Variants in FYB1 observed in about 807,000 individuals in gnomAD.
FYB1 encodes the protein FYN binding protein 1.
A neutral mutation model predicts 94.1 loss-of-function variants in FYB1; 41 were observed. That is an observed-to-expected ratio of 0.44 (90% confidence interval 0.34 to 0.57). The LOEUF (loss-of-function observed/expected upper bound fraction) is 0.57, where lower values mean the gene tolerates loss of function less well. Ranked by LOEUF, FYB1 falls within the 20% of genes least tolerant of loss-of-function variation. FYB1 has a pLI of 0.02. For missense variants in FYB1, 1,050 were observed against 976.8 expected (o/e 1.07, Z -1.00); for synonymous variants, 367 against 353.2 (o/e 1.04, Z -0.44).
At chr5:39,198,109 T>C (rs1169256625) in intron 2 of FYB1, among the ~76,000 whole-genome samples, 5 of 152,200 alleles carry the variant, frequency 3.3e-5, no homozygotes, top group Admixed American at 1.3e-4. Context: ...TACTATTATA[T>C]GTCAAATTCT....
At chr5:39,267,578 C>A (rs568834878) in intron 1 of FYB1, among the ~76,000 whole-genome samples, 13 of 152,294 alleles carry the variant, frequency 8.5e-5, no homozygotes, top group Non-Finnish European at 1.6e-4. Context: ...TGCTACATGG[C>A]TTTCTGCCAC....
intron 2 of FYB1, among the ~76,000 whole-genome samples, chr5:39,179,648 C>T (rs4957360): frequency 0.58 from 87,482 of 150,954 alleles, 29,392 homozygotes; most frequent in Non-Finnish European, 0.75. Context: ...TGAGTTCAAG[C>T]GATTCTCCTG....
intron 2 of FYB1, among the ~76,000 whole-genome samples, chr5:39,194,979 C>T (rs1421142914): frequency 1.3e-5 from 2 of 152,138 alleles, no homozygotes; most frequent in African/African-American, 4.8e-5. Flanking sequence ...GCACCAGGTC[C>T]TGGGAGAACG....
At chr5:39,120,556 A>C (rs1039620821) in intron 14 of FYB1, among the ~76,000 whole-genome samples, 1 of 152,104 alleles carries the variant, frequency 6.6e-6, no homozygotes, top group African/African-American at 2.4e-5. Flanking sequence ...AGTCTGAGCA[A>C]GGTCCAGGTA....
chr5:39,230,848 C>T (rs1172052290), intron 1 of FYB1, among the ~76,000 whole-genome samples: 2 of 33,018 alleles, frequency 6.1e-5, no homozygotes, highest in African/African-American at 8.6e-5. Context: ...TCAGTATACA[C>T]ACACACACAC....
chr5:39,131,734 T>C (rs1395691369), intron 9 of FYB1, among the ~76,000 whole-genome samples: 5 of 152,128 alleles, frequency 3.3e-5, no homozygotes, highest in African/African-American at 2.4e-5. Context: ...AAGCAGGCAG[T>C]TGGAATTATG....
intron 1 of FYB1, among the ~76,000 whole-genome samples, chr5:39,258,031 G>A (rs1752039647): frequency 1.3e-5 from 2 of 152,160 alleles, no homozygotes; most frequent in South Asian, 4.1e-4. Flanking sequence ...ACAGGTGGCT[G>A]GGCCCCACCT....
rs768421172 is a variant in FYB1, at chr5:39,134,285, A to G, written c.1740T>C (p.Ser580=). The change falls in exon 9 of 19, where the codon TCT becomes TCC. Residue 580 remains serine (S), a synonymous_variant. Transcript: ENST00000512982. The part of the protein sequence containing the change: ...DYDSLKLKKD[S]LGAPSRPIED... The stretch of plus-strand genomic sequence containing the variant: ...CAATAGGTCTTGAAGGGGCACCAAG[A>G]GAGTCTTTTTTCAGTTTCAAAGAAT... 6.2e-7 allele frequency: 1 copy of G among 1,611,600 alleles called. No homozygotes were observed. The highest frequency in any genetic ancestry group is 8.5e-7 in the Non-Finnish European group (1 of 1,177,886).
At chr5:39,159,678 C>T (rs1283079802) in intron 2 of FYB1, among the ~76,000 whole-genome samples, 1 of 152,174 alleles carries the variant, frequency 6.6e-6, no homozygotes, top group Middle Eastern at 3.2e-3. Flanking sequence ...TGATATCTTG[C>T]TCTCCCGTTT....
intron 1 of FYB1, among the ~76,000 whole-genome samples, chr5:39,203,593 T>C (rs1408082970): frequency 6.6e-6 from 1 of 152,162 alleles, no homozygotes; most frequent in Non-Finnish European, 1.5e-5. Flanking sequence ...ATAAAATGAC[T>C]TCTTCTCCTT....
At chr5:39,245,900 T>G (rs1275234630) in intron 1 of FYB1, among the ~76,000 whole-genome samples, 1 of 152,218 alleles carries the variant, frequency 6.6e-6, no homozygotes, top group Non-Finnish European at 1.5e-5. Context: ...GCGTCTGGCC[T>G]GGAACAGGCT....
intron 1 of FYB1, among the ~76,000 whole-genome samples, chr5:39,214,680 C>A (rs1049874105): frequency 2.0e-5 from 3 of 152,224 alleles, no homozygotes; most frequent in Non-Finnish European, 4.4e-5. Flanking sequence ...GTAATCCCAG[C>A]ATTTTGGGAT....
chr5:39,113,378 T>C (rs557982532), intron 16 of FYB1, among the ~76,000 whole-genome samples: 49 of 152,240 alleles, frequency 3.2e-4, no homozygotes, highest in African/African-American at 1.1e-3. Flanking sequence ...GATTCTCACA[T>C]ACAATATGAA....
At position 39,242,825 on chromosome 5, in the gene FYB1, C is replaced by T. The variant is rs557654874; in HGVS notation, c.-28+31578G>A. 1.6e-4 allele frequency among the ~76,000 whole-genome samples: 24 copies of T among 152,182 alleles called. No individual in the cohort carries two copies. The South Asian group carries it at 2.3e-3, about 15-fold the overall frequency. On this transcript the variant is annotated intron_variant, in intron 1 of 1. Transcript: ENST00000510188. ...TGCTGTTTCCTGACTTTTTAATGATCGCCATCCTAACTGGAGTGAGATGGT... is the reference window on the plus strand; with the variant it reads ...TGCTGTTTCCTGACTTTTTAATGATTGCCATCCTAACTGGAGTGAGATGGT...
intron 1 of FYB1, among the ~76,000 whole-genome samples, chr5:39,229,570 A>G (rs1035287350): frequency 2.6e-5 from 4 of 152,198 alleles, no homozygotes; most frequent in African/African-American, 9.6e-5. Context: ...ACTTAGGGAT[A>G]TGATTTGACT....
chr5:39,149,305 T>C (rs571652055), intron 3 of FYB1, among the ~76,000 whole-genome samples: 18 of 152,304 alleles, frequency 1.2e-4, no homozygotes, highest in African/African-American at 4.1e-4. Context: ...AAGTCCACCC[T>C]GTCTTCTAAA....
At chr5:39,139,427 C>A in intron 4 of FYB1, 175 bp from the exon 5 acceptor site, 3 of 481,522 alleles carry the variant, frequency 6.2e-6, no homozygotes, top group Non-Finnish European at 9.9e-6. Context: ...TTTACTATGG[C>A]TTTTATTTGT....
In FYB1 at chr5:39,159,882, T is replaced by C. The variant is rs182076673; in HGVS notation, c.1136-6278A>G. Among the ~76,000 whole-genome samples the C allele has an allele frequency of 5.5e-3, 828 of 151,368 alleles. 8 individuals are homozygous for C. Among genetic ancestry groups the C allele is most frequent in the African/African-American group, 0.019 (762 of 40,616 alleles). Reference sequence around the variant, plus strand: ...TGAACTGTGCGTTTCATCTTTTCAATGCACTTTCCATCTTAAACATGGTCT... The same window carrying C: ...TGAACTGTGCGTTTCATCTTTTCAACGCACTTTCCATCTTAAACATGGTCT... On this transcript the variant is annotated intron_variant, in intron 2 of 18. Coordinates refer to ENST00000512982, the MANE Select transcript of FYB1 (RefSeq NM_001465.6).
At chr5:39,123,717 T>C (rs1054978299) in intron 13 of FYB1, among the ~76,000 whole-genome samples, 1 of 152,174 alleles carries the variant, frequency 6.6e-6, no homozygotes, top group Non-Finnish European at 1.5e-5. Flanking sequence ...TAAGACAACA[T>C]TTTATTTCGT....
Sources: gnomAD v4.1 joint callset for allele counts (sites outside exome capture counted in the v4.1 genomes callset) on GRCh38, gnomAD v4.1.1 for gene constraint, MANE v1.5 for transcripts, NCBI Gene and HGNC (gene_info 2026-07-23, HGNC 2026-07-21) for gene names.